The following CHN2 variants were observed in gnomAD, a reference collection of about 807,000 sequenced individuals.
CHN2 encodes the protein beta-chimaerin.
A neutral mutation model predicts 56.3 loss-of-function variants in CHN2; 35 were observed. That is an observed-to-expected ratio of 0.62 (90% CI 0.47 to 0.82). The LOEUF (loss-of-function observed/expected upper bound fraction) is 0.82. Among genes scored for constraint, CHN2 ranks in the 40% least tolerant of loss-of-function variants. The probability of loss-of-function intolerance (pLI) is 0.00; values close to 1 mark genes in which losing one functional copy is unlikely to be tolerated. For synonymous variants in CHN2, 210 were observed against 212.8 expected (o/e 0.99, Z 0.12); for missense variants, 491 against 580.5 (o/e 0.85, Z 1.58).
At chr7:29,341,500 T>A (rs1354857229) in intron 1 of CHN2, among the ~76,000 whole-genome samples, 1 of 151,938 alleles carries the variant, frequency 6.6e-6, no homozygotes, top group African/African-American at 2.4e-5. Flanking sequence ...CAATAGTATC[T>A]CTATTGACAA....
chr7:29,398,387 T>A lies in CHN2; in HGVS notation c.191T>A (p.Ile64Asn). 1.9e-6 allele frequency: 3 copies of A among 1,613,030 alleles called. No homozygotes were observed. Among genetic ancestry groups the A allele is most frequent in the Non-Finnish European group, 2.5e-6 (3 of 1,179,708 alleles). Residue 64 changes from isoleucine (I) to asparagine (N), a missense_variant, in exon 5 of 13, where the codon ATC becomes AAC. By Grantham distance (149) the Ile-to-Asn change is moderately radical. Transcript: ENST00000222792. ...TGTACCTTCAGGTTTCATGGGATCA[T>A]CTCTCGGGAGCAGGCGGATGAGCTT... ...KYYGREFHGI[I>N]SREQADELLG...
intron 1 of CHN2, among the ~76,000 whole-genome samples, chr7:29,264,038 T>TG (rs931306645): frequency 7.2e-6 from 1 of 138,630 alleles, no homozygotes; most frequent in Non-Finnish European, 1.6e-5. Context: ...GGGTGGGGGG[T>TG]GGGGGGCAGC....
chr7:29,453,919 C>G (rs1459182236), intron 6 of CHN2, among the ~76,000 whole-genome samples: 1 of 152,182 alleles, frequency 6.6e-6, no homozygotes, highest in African/African-American at 2.4e-5. Context: ...AAATGCTGCC[C>G]TTACTCATCC....
chr7:29,443,646 G>C (rs1269501956), intron 6 of CHN2, among the ~76,000 whole-genome samples: 6 of 152,134 alleles, frequency 3.9e-5, no homozygotes, highest in South Asian at 2.1e-4. Context: ...CTTTTCATGG[G>C]TTGGCTGCAT....
At chr7:29,483,091 G>A (rs573394282) in intron 7 of CHN2, among the ~76,000 whole-genome samples, 19 of 152,150 alleles carry the variant, frequency 1.2e-4, no homozygotes, top group African/African-American at 3.9e-4. Context: ...AAAGTGCTAG[G>A]ATTACAGGCG....
At chr7:29,357,951 G>A (rs1798430316) in intron 2 of CHN2, among the ~76,000 whole-genome samples, 1 of 152,140 alleles carries the variant, frequency 6.6e-6, no homozygotes, top group Non-Finnish European at 1.5e-5. Flanking sequence ...TTTAGATACT[G>A]ATGTCTAACT....
intron 6 of CHN2, among the ~76,000 whole-genome samples, chr7:29,421,303 G>T (rs1485308982): frequency 6.6e-6 from 1 of 152,132 alleles, no homozygotes; most frequent in Non-Finnish European, 1.5e-5. Context: ...GCCTACCCAA[G>T]GGCAGACTCC....
chr7:29,357,175 C>G (rs1437097648), intron 2 of CHN2, among the ~76,000 whole-genome samples: 2 of 152,182 alleles, frequency 1.3e-5, no homozygotes, highest in Non-Finnish European at 2.9e-5. Context: ...ATTTTTGGAT[C>G]TAACCAAGTT....
At chr7:29,390,067 A>AAAAAG (rs1241009546) in intron 3 of CHN2, among the ~76,000 whole-genome samples, 1 of 151,356 alleles carries the variant, frequency 6.6e-6, no homozygotes, top group Non-Finnish European at 1.5e-5. Context: ...AAAAAAAAAA[A>AAAAAG]AAAGAATCAG....
intron 2 of CHN2, among the ~76,000 whole-genome samples, chr7:29,364,365 G>T (rs188227341): frequency 6.6e-6 from 1 of 152,314 alleles, no homozygotes; most frequent in Non-Finnish European, 1.5e-5. Context: ...TTTATAACAG[G>T]TATGCATCCT....
intron 6 of CHN2, among the ~76,000 whole-genome samples, chr7:29,440,861 A>C (rs1276321495): frequency 6.6e-6 from 1 of 152,010 alleles, no homozygotes; most frequent in African/African-American, 2.4e-5. Context: ...AGAAGTTTTT[A>C]TTTCATATTT....
chr7:29,454,130 A>T (rs1180029881), intron 6 of CHN2, among the ~76,000 whole-genome samples: 1 of 152,202 alleles, frequency 6.6e-6, no homozygotes, highest in Non-Finnish European at 1.5e-5. Context: ...TTTTATTAGG[A>T]CACTTCAAAA....
chr7:29,285,818 T>G (rs1190738164), intron 1 of CHN2, among the ~76,000 whole-genome samples: 2 of 152,198 alleles, frequency 1.3e-5, no homozygotes. Flanking sequence ...TGGACAAATA[T>G]GCCATAAATA....
At position 29,445,024 on chromosome 7, in the gene CHN2, A is replaced by G. The variant is rs898978147; in HGVS notation, c.577-35255A>G. On this transcript the variant is annotated intron_variant, in intron 6 of 12. Coordinates refer to ENST00000222792, the MANE Select transcript of CHN2 (RefSeq NM_004067.4). The stretch of plus-strand genomic sequence containing the variant: ...CTAGAGATCTGAGCAGAATGAAGAG[A>G]TAGAGACAGAGGCTACGCAAAATTC... The G allele has an allele frequency of 3.1e-5, 13 of 426,086 alleles. 1 individual carries two copies. The highest frequency in any genetic ancestry group is 5.1e-5 in the Non-Finnish European group (11 of 213,906). The allele number at this position is 426,086 out of a possible 1,614,324, so 26.4% of individuals were successfully genotyped here. A position where few individuals can be genotyped will look rare whatever the true frequency, so the allele number is the denominator to read the frequency against.
intron 1 of CHN2, among the ~76,000 whole-genome samples, chr7:29,211,246 ATT>A (rs573128905): frequency 3.6e-5 from 5 of 139,956 alleles, no homozygotes; most frequent in Middle Eastern, 3.3e-3. Context: ...AATTTTTTGT[ATT>A]TTTTTTTTTT....
intron 6 of CHN2, among the ~76,000 whole-genome samples, chr7:29,443,051 C>T (rs1783779066): frequency 6.7e-6 from 1 of 149,508 alleles, no homozygotes; most frequent in African/African-American, 2.5e-5. Flanking sequence ...CGCCATTCTC[C>T]TGCCTCAGCC....
chr7:29,422,233 A>G (rs549566046), intron 6 of CHN2, among the ~76,000 whole-genome samples: 1 of 152,318 alleles, frequency 6.6e-6, no homozygotes, highest in South Asian at 2.1e-4. Flanking sequence ...TTTTAAAAGA[A>G]TGATGGAAGG....
Position 29,194,774 on chromosome 7 carries a change from TG to T in CHN2, c.-166del. The T allele has an allele frequency of 2.0e-6, 1 of 488,878 alleles. No homozygotes were observed. Among genetic ancestry groups the T allele is most frequent in the Non-Finnish European group, 3.3e-6 (1 of 299,518 alleles). The allele number at this position is 488,878 out of a possible 1,614,324, so 30.3% of individuals were successfully genotyped here. A position where few individuals can be genotyped will look rare whatever the true frequency, so the allele number is the denominator to read the frequency against. On this transcript the variant is annotated 5_prime_UTR_variant, in exon 1 of 13. Coordinates refer to ENST00000222792, the MANE Select transcript of CHN2 (RefSeq NM_004067.4). ...ATAGCGGCGGCGGCAGCGCGTCATC[TG>T]GTGGAGCAGGAAGTGCAGGCAGAGT...
chr7:29,379,413 A>G (rs1390980670), intron 3 of CHN2, among the ~76,000 whole-genome samples: 6 of 152,214 alleles, frequency 3.9e-5, no homozygotes, highest in Non-Finnish European at 8.8e-5. Flanking sequence ...TTAGCCTCCT[A>G]TATGTTCTTG....
Sources: allele counts gnomAD v4.1 joint callset (sites outside exome capture counted in the v4.1 genomes callset), GRCh38; gene constraint gnomAD v4.1.1; transcripts MANE v1.5; gene names NCBI Gene and HGNC (gene_info 2026-07-23, HGNC 2026-07-21).